Variants in PALLD observed in about 807,000 individuals in gnomAD.
The protein encoded by PALLD is palladin, cytoskeletal associated protein, also known as palladin.
Under a neutral mutation model 123.5 loss-of-function variants are expected in PALLD, and 61 were observed. That is an observed-to-expected ratio of 0.49 (90% CI 0.40 to 0.61). The LOEUF is 0.61. PALLD is among the 20% of genes least tolerant of loss of function. The pLI is 0.00. For synonymous variants in PALLD, 465 were observed against 496.4 expected (o/e 0.94, Z 0.84); for missense variants, 1,273 against 1,377.0 (o/e 0.92, Z 1.20).
intron 10 of PALLD, among the ~76,000 whole-genome samples, chr4:168,865,465 T>G (rs190269988): frequency 1.3e-5 from 2 of 152,328 alleles, no homozygotes; most frequent in Admixed American, 6.5e-5. Flanking sequence ...GGTAGACTTG[T>G]AAGAGGAAAT....
At chr4:168,603,730 C>T (rs1772903791) in intron 2 of PALLD, among the ~76,000 whole-genome samples, 1 of 152,162 alleles carries the variant, frequency 6.6e-6, no homozygotes, top group Non-Finnish European at 1.5e-5. Context: ...CCCAATGTTA[C>T]ACAGCTGGTA....
chr4:168,902,922 C>T (rs1270284518), intron 14 of PALLD, among the ~76,000 whole-genome samples: 1 of 152,052 alleles, frequency 6.6e-6, no homozygotes, highest in Non-Finnish European at 1.5e-5. Context: ...TAGACATGCA[C>T]CACCACACCC....
chr4:168,515,947 G>A (rs1340803063), intron 2 of PALLD, among the ~76,000 whole-genome samples: 1 of 152,144 alleles, frequency 6.6e-6, no homozygotes, highest in Non-Finnish European at 1.5e-5. Flanking sequence ...CCCCCACTCA[G>A]GGAAGAAGTA....
intron 13 of PALLD, chr4:168,898,034 TA>T (rs1296203002): frequency 1.3e-5 from 2 of 153,786 alleles, no homozygotes; most frequent in African/African-American, 4.8e-5. Context: ...TTTTTTCTAT[TA>T]TTCTTTTACT....
At chr4:168,539,281 G>T (rs1765377674) in intron 2 of PALLD, among the ~76,000 whole-genome samples, 2 of 152,092 alleles carry the variant, frequency 1.3e-5, no homozygotes, top group African/African-American at 4.8e-5. Context: ...ACGTCAAGGG[G>T]TTTCAGCTTT....
chr4:168,898,268 C>T, intron 13 of PALLD: 1 of 570,302 alleles, frequency 1.8e-6, no homozygotes, highest in Non-Finnish European at 3.1e-6. Flanking sequence ...TCTTTCCTAC[C>T]CCCCTCTTTT....
chr4:168,924,989 G>A lies in PALLD; in HGVS notation c.3269G>A (p.Gly1090Glu), dbSNP rs587780756. The change falls in exon 20 of 22, where the codon GGA becomes GAA. Residue 1090 changes from glycine (G) to glutamate (E), a missense_variant. Coordinates refer to ENST00000505667, the MANE Select transcript of PALLD (RefSeq NM_001166108.2). ...NHGYICLLIQ[G>E]ATKEDAGWYT... ...GGCTACATCTGCCTGCTCATTCAGG[G>A]AGCCACAAAAGAAGATGCTGGGTGG... The A allele has an allele frequency of 1.9e-5, 31 of 1,613,954 alleles. No homozygotes were observed. Among genetic ancestry groups the A allele is most frequent in the African/African-American group, 4.0e-5 (3 of 74,888 alleles).
intron 8 of PALLD, among the ~76,000 whole-genome samples, chr4:168,693,938 TGTGA>T (rs770407392): frequency 5.3e-5 from 8 of 152,248 alleles, no homozygotes; most frequent in East Asian, 1.9e-4. Context: ...TATGAGTTGT[TGTGA>T]GTAAGAACTT....
intron 10 of PALLD, among the ~76,000 whole-genome samples, chr4:168,889,712 A>G (rs1302167536): frequency 6.6e-6 from 1 of 152,124 alleles, no homozygotes; most frequent in East Asian, 1.9e-4. Flanking sequence ...TGCTCCCCTC[A>G]GTTTCTTTCT....
intron 4 of PALLD, among the ~76,000 whole-genome samples, chr4:168,681,712 T>A (rs1781571994): frequency 6.6e-6 from 1 of 151,850 alleles, no homozygotes; most frequent in African/African-American, 2.4e-5. Flanking sequence ...ACCTGGCTAA[T>A]CTTTTTTTAT....
intron 10 of PALLD, among the ~76,000 whole-genome samples, chr4:168,756,537 A>G (rs1731907653): frequency 6.6e-6 from 1 of 152,228 alleles, no homozygotes; most frequent in Non-Finnish European, 1.5e-5. Context: ...GCTGATGGCT[A>G]GCACTCAGGA....
At chr4:168,925,138 A>G in intron 20 of PALLD, 60 bp downstream of exon 20, 1 of 1,598,378 alleles carries the variant, frequency 6.3e-7, no homozygotes, top group Non-Finnish European at 8.6e-7. Context: ...AAAATTAGAC[A>G]TCTGGACAGC....
chr4:168,511,907 C>G lies in PALLD; in HGVS notation c.403C>G (p.Arg135Gly). Reference protein sequence around the residue: ...SPLLTRPSYIRSLRKAEKRGA... With the variant: ...SPLLTRPSYIGSLRKAEKRGA... ...CCTGCTCACCAGGCCCAGCTACATCCGGAGCCTCCGAAAGGCTGAAAAGCG... is the reference window on the plus strand; with the variant it reads ...CCTGCTCACCAGGCCCAGCTACATCGGGAGCCTCCGAAAGGCTGAAAAGCG... Residue 135 changes from arginine (R) to glycine (G), a missense_variant, in exon 2 of 22, where the codon CGG (arginine) becomes GGG (glycine). By Grantham distance (125) the Arg-to-Gly change is moderately radical. Coordinates refer to ENST00000505667, the MANE Select transcript of PALLD (RefSeq NM_001166108.2). The G allele has an allele frequency of 1.2e-6, 2 of 1,614,152 alleles. No homozygotes were observed. Among genetic ancestry groups the G allele is most frequent in the South Asian group, 1.1e-5 (1 of 91,080 alleles).
intron 10 of PALLD, among the ~76,000 whole-genome samples, chr4:168,888,190 T>C (rs1753638598): frequency 6.6e-6 from 1 of 152,258 alleles, no homozygotes; most frequent in African/African-American, 2.4e-5. Flanking sequence ...TGGTTCTTAC[T>C]GTCTCAGGGT....
At chr4:168,767,710 G>T in intron 10 of PALLD, among the ~76,000 whole-genome samples, 1 of 152,070 alleles carries the variant, frequency 6.6e-6, no homozygotes, top group East Asian at 1.9e-4. Context: ...ACCACACCTG[G>T]CTAATTTTGT....
rs1471260567 is a variant in PALLD at position 168,927,589 on chromosome 4, T to TA, written c.*1412dup. On this transcript the variant is annotated 3_prime_UTR_variant, in exon 22 of 22. Coordinates refer to ENST00000505667, the MANE Select transcript of PALLD (RefSeq NM_001166108.2). ...GAGAGACAAAAACAGGTTTGTGCCATAAAGTATTTTTTCAAAGACACCAAG... is the reference window on the plus strand; with the variant it reads ...GAGAGACAAAAACAGGTTTGTGCCATAAAAGTATTTTTTCAAAGACACCAAG... 2 of 229,430 alleles carry TA rather than the reference T, an allele frequency of 8.7e-6. No homozygotes were observed. The highest frequency in any genetic ancestry group is 1.7e-5 in the Non-Finnish European group (2 of 115,622). The allele number at this position is 229,430 out of a possible 1,614,324, so 14.2% of individuals were successfully genotyped here.
rs1221751077 is a variant in PALLD, at chr4:168,878,325, C to A, written c.1965-12597C>A. The A allele has an allele frequency of 7.9e-6, 12 of 1,523,176 alleles. No homozygotes were observed. The highest frequency in any genetic ancestry group is 2.4e-5 in the South Asian group (2 of 82,600). 94.4% of individuals were successfully genotyped at this position (1,523,176 alleles called of 1,614,324 possible). ...CAGACGCCCGCGGCCTTCCTCAGCG[C>A]TCTGCTGCCCTCGCAGCCGCCGCCG... is the stretch of plus-strand genomic sequence containing the variant. On this transcript the variant is annotated intron_variant, in intron 10 of 21. Transcript: ENST00000505667.
chr4:168,875,097 TTGGAAATACATAGTATTTCCAAAATACTA>T (rs972985776), intron 10 of PALLD, among the ~76,000 whole-genome samples: 10 of 151,916 alleles, frequency 6.6e-5, no homozygotes, highest in African/African-American at 2.2e-4. Context: ...TACATACTAT[TTGGAAATACATAGTATTTCCAAAATACTA>T]TGGAAATACA....
At chr4:168,624,750 C>T (rs1476489070) in intron 2 of PALLD, among the ~76,000 whole-genome samples, 1 of 152,078 alleles carries the variant, frequency 6.6e-6, no homozygotes, top group African/African-American at 2.4e-5. Context: ...ACAAGGAATA[C>T]ACTGTAATTA....
Sources: allele counts gnomAD v4.1 joint callset (sites outside exome capture counted in the v4.1 genomes callset), GRCh38; gene constraint gnomAD v4.1.1; transcripts MANE v1.5; gene names NCBI Gene and HGNC (gene_info 2026-07-23, HGNC 2026-07-21).